BRCA1: variants seen among roughly 807,000 people sequenced by gnomAD.
The protein encoded by BRCA1 is breast cancer type 1 susceptibility protein.
Under a neutral mutation model 173.7 loss-of-function variants are expected in BRCA1, and 140 were observed. That is an observed-to-expected ratio of 0.81 (90% CI 0.70 to 0.93). BRCA1 has a LOEUF of 0.93. Among genes scored for constraint, BRCA1 ranks in the 40% least tolerant of loss-of-function variants. The pLI is 0.00. For synonymous variants in BRCA1, 662 were observed against 756.0 expected, an observed-to-expected ratio of 0.88 and a Z score of 2.04; for missense variants, 1,983 against 2,172.5, an observed-to-expected ratio of 0.91 and a Z score of 1.73.
chr17:43,137,872 C>T (rs2056040170), intron 1 of BRCA1, among the ~76,000 whole-genome samples: 2 of 151,878 alleles, frequency 1.3e-5, no homozygotes, highest in Admixed American at 6.6e-5. Context: ...GTAAGACCAT[C>T]TCCAAAACAA....
At chr17:43,064,909 C>G (rs554557150) in intron 16 of BRCA1, among the ~76,000 whole-genome samples, 1 of 148,312 alleles carries the variant, frequency 6.7e-6, no homozygotes, top group East Asian at 2.0e-4. Context: ...CAGCTCACGG[C>G]AAGCTCTGCC....
intron 6 of BRCA1, among the ~76,000 whole-genome samples, chr17:43,101,096 T>C (rs1475585958): frequency 1.3e-5 from 2 of 152,006 alleles, no homozygotes; most frequent in Admixed American, 1.3e-4. Context: ...ACATTTAGTA[T>C]AGGAACGAGT....
At chr17:43,050,194 T>A in intron 20 of BRCA1, 1 of 398,400 alleles carries the variant, frequency 2.5e-6, no homozygotes, top group Non-Finnish European at 4.4e-6. Flanking sequence ...GCTTTTGCTG[T>A]GAAAAGAACA....
rs11657835 is a variant in BRCA1 at position 43,139,936 on chromosome 17, C to G, written c.-19-15821G>C. The G allele has an allele frequency of 0.34, 167,411 of 491,732 alleles. 30,429 individuals carry two copies. The highest frequency in any genetic ancestry group is 0.5 in the South Asian group (32,715 of 66,012). 30.5% of individuals were successfully genotyped at this position (491,732 alleles called of 1,614,324 possible). On this transcript the variant is annotated intron_variant, in intron 1 of 7. Coordinates refer to the BRCA1 transcript ENST00000634433. Reference sequence around the variant, plus strand: ...TGGTCCTTCACCTTGGTTCCTGACACAAGGATTCCTAAATCCCTTGGAATT... The same window carrying G: ...TGGTCCTTCACCTTGGTTCCTGACAGAAGGATTCCTAAATCCCTTGGAATT...
At chr17:43,142,914 TTGTG>T (rs369108034) in intron 1 of BRCA1, among the ~76,000 whole-genome samples, 76 of 140,756 alleles carry the variant, frequency 5.4e-4, no homozygotes, top group East Asian at 8.2e-4. Flanking sequence ...CGGCTAATTT[TTGTG>T]TGTGTGTGTG....
intron 16 of BRCA1, among the ~76,000 whole-genome samples, chr17:43,065,816 A>C (rs2052045803): frequency 6.6e-6 from 1 of 152,234 alleles, no homozygotes; most frequent in African/African-American, 2.4e-5. Context: ...CTGGAGCCCC[A>C]TGAGTGAGTC....
chr17:43,142,826 C>T (rs1211365209), intron 1 of BRCA1, among the ~76,000 whole-genome samples: 1 of 152,060 alleles, frequency 6.6e-6, no homozygotes, highest in Admixed American at 6.6e-5. Context: ...TCACCACAAC[C>T]TCCACTTCCC....
chr17:43,091,215 G>A, intron 10 of BRCA1, 183 bp from the exon 11 acceptor site: 2 of 853,860 alleles, frequency 2.3e-6, no homozygotes, highest in Non-Finnish European at 3.8e-6. Flanking sequence ...AAGTCCACCA[G>A]TAATTAGGAT....
chr17:43,057,728 C>T (rs796398054), intron 18 of BRCA1, among the ~76,000 whole-genome samples: 68 of 145,388 alleles, frequency 4.7e-4, no homozygotes, highest in African/African-American at 1.7e-3. Flanking sequence ...CCCAGCTACT[C>T]GGGAGGCTGA....
chr17:43,064,695 G>GT (rs1048191646), intron 16 of BRCA1, among the ~76,000 whole-genome samples: 3 of 152,046 alleles, frequency 2.0e-5, no homozygotes, highest in African/African-American at 4.8e-5. Flanking sequence ...AATTTTTGAA[G>GT]TTTTTTGTTT....
intron 1 of BRCA1, chr17:43,161,341 T>A (rs914510088): frequency 8.5e-5 from 13 of 152,220 alleles, no homozygotes; most frequent in Admixed American, 7.9e-4. Flanking sequence ...CCCATAATAC[T>A]GTATGATTCT....
chr17:43,096,156 C>A (rs2054127339), intron 8 of BRCA1, among the ~76,000 whole-genome samples: 1 of 151,744 alleles, frequency 6.6e-6, no homozygotes, highest in Non-Finnish European at 1.5e-5. Flanking sequence ...GCGGGTGGAC[C>A]ACTTGAGGTC....
chr17:43,121,881 ACTCT>A (rs1293222400), intron 2 of BRCA1, among the ~76,000 whole-genome samples: 3 of 151,824 alleles, frequency 2.0e-5, no homozygotes, highest in South Asian at 2.1e-4. Context: ...TATTTTTATG[ACTCT>A]CTCCCATGGA....
chr17:43,142,650 G>A (rs1454317689), intron 1 of BRCA1: 1 of 152,202 alleles, frequency 6.6e-6, no homozygotes, highest in Non-Finnish European at 1.5e-5. Flanking sequence ...ATATAAGACT[G>A]TAAAATGCCT....
At position 43,044,739 on chromosome 17, in the gene BRCA1, C is replaced by G. The variant is rs2152254005; in HGVS notation, c.*939G>C. 1 of 498,014 alleles carries G rather than the reference C, an allele frequency of 2.0e-6. No homozygotes were observed. Among genetic ancestry groups the G allele is most frequent in the South Asian group, 1.6e-5 (1 of 64,398 alleles). The allele number at this position is 498,014 out of a possible 1,614,324, so 30.8% of individuals were successfully genotyped here. A position where few individuals can be genotyped will look rare whatever the true frequency, so the allele number is the denominator to read the frequency against. On this transcript the variant is annotated 3_prime_UTR_variant, in exon 23 of 23. Transcript: ENST00000357654. ...TTGAAAATCTTCTGCTGTTTTAGAA[C>G]ACATTCTTTAGAAATCTAGCAAATA...
At chr17:43,078,153 C>T (rs888243718) in intron 12 of BRCA1, among the ~76,000 whole-genome samples, 2 of 151,554 alleles carry the variant, frequency 1.3e-5, no homozygotes, top group Non-Finnish European at 2.9e-5. Context: ...GGCATGATCT[C>T]GGCTCACTGC....
chr17:43,080,607 C>T (rs528161690), intron 12 of BRCA1, among the ~76,000 whole-genome samples: 1 of 151,858 alleles, frequency 6.6e-6, no homozygotes, highest in Non-Finnish European at 1.5e-5. Flanking sequence ...GAGTTTGAGA[C>T]CAACTTGGGC....
At chr17:43,060,297 C>G (rs1461653178) in intron 18 of BRCA1, among the ~76,000 whole-genome samples, 1 of 152,068 alleles carries the variant, frequency 6.6e-6, no homozygotes, top group Admixed American at 6.6e-5. Context: ...CCGCCTTGAC[C>G]TCCCAAAGTG....
At position 43,091,697 on chromosome 17, in the gene BRCA1, C is replaced by G; in HGVS notation, c.3834G>C (p.Lys1278Asn). The change falls in exon 10 of 23, where the codon AAG becomes AAC. Residue 1278 changes from lysine (K) to asparagine (N), a missense_variant. Transcript: ENST00000357654. ...CACTAAGGTGATGTTCCTGAGATGCCTTTGCCAATATTACCTGGTTACTGC... is the reference window on the plus strand; with the variant it reads ...CACTAAGGTGATGTTCCTGAGATGCGTTTGCCAATATTACCTGGTTACTGC... ...NDCSNQVILAKASQEHHLSEE... is the reference protein window; with the variant it reads ...NDCSNQVILANASQEHHLSEE... The G allele has an allele frequency of 6.2e-7, 1 of 1,614,178 alleles. No individual in the cohort carries two copies. Among genetic ancestry groups the G allele is most frequent in the South Asian group, 1.1e-5 (1 of 91,086 alleles).
Sources: gnomAD v4.1 joint callset for allele counts (sites outside exome capture counted in the v4.1 genomes callset) on GRCh38, gnomAD v4.1.1 for gene constraint, MANE v1.5 for transcripts, NCBI Gene and HGNC (gene_info 2026-07-23, HGNC 2026-07-21) for gene names.